MALRD1: variants seen among roughly 807,000 people sequenced by gnomAD.
MALRD1 encodes MAM and LDL receptor class A domain containing 1, also known as MAM and LDL-receptor class A domain-containing protein 1.
In MALRD1, 247 loss-of-function variants were observed where a neutral mutation model predicts 242.1. The ratio of observed to expected loss-of-function variants is 1.02; its 90% CI spans 0.92 to 1.13. MALRD1 has a LOEUF of 1.13. Among genes scored for constraint, MALRD1 ranks in the 50% most tolerant of loss-of-function variants. MALRD1 has a pLI of 0.00. For synonymous variants in MALRD1, 995 were observed against 866.6 expected (o/e 1.15, Z -2.60); for missense variants, 2,989 against 2,533.1 (o/e 1.18, Z -3.86).
chr10:19,588,665 C>T (rs778952798), intron 33 of MALRD1, among the ~76,000 whole-genome samples: 10 of 152,138 alleles, frequency 6.6e-5, no homozygotes, highest in African/African-American at 1.9e-4. Flanking sequence ...TATGTAGAGA[C>T]GGAGTCTTGC....
chr10:19,705,804 T>TAAAAAAAAAAAAAAAAAAAAA lies in MALRD1; in HGVS notation c.6314+13264_6314+13265insAAAAAAAAAAAAAAAAAAAAA, dbSNP rs61437328. 7.5e-4 allele frequency among the ~76,000 whole-genome samples: 77 copies of TAAAAAAAAAAAAAAAAAAAAA among 102,842 alleles called. 9 individuals are homozygous for TAAAAAAAAAAAAAAAAAAAAA. The highest frequency in any genetic ancestry group is 5.7e-3 in the Middle Eastern group (1 of 174). 67.5% of individuals were successfully genotyped at this position (102,842 alleles called of 152,430 possible). ...ACCTTGTTCTCATGTCCTGCAATAG[T>TAAAAAAAAAAAAAAAAAAAAA]AAAAAAAAAAAAAAGCCCACAAGAG... On this transcript the variant is annotated intron_variant, in intron 38 of 39. Transcript: ENST00000454679.
At chr10:19,539,822 G>T (rs932450803) in intron 32 of MALRD1, among the ~76,000 whole-genome samples, 1 of 149,620 alleles carries the variant, frequency 6.7e-6, no homozygotes, top group East Asian at 2.0e-4. Flanking sequence ...TAATAGCTGG[G>T]ACTACCAGCA....
chr10:19,594,709 T>C (rs1463729617), intron 33 of MALRD1, among the ~76,000 whole-genome samples: 1 of 152,134 alleles, frequency 6.6e-6, no homozygotes, highest in African/African-American at 2.4e-5. Context: ...TGGAGGCCAT[T>C]ATTCTAAATG....
At chr10:19,539,080 A>C (rs565232833) in intron 32 of MALRD1, among the ~76,000 whole-genome samples, 107 of 152,330 alleles carry the variant, frequency 7.0e-4, no homozygotes, top group African/African-American at 2.4e-3. Flanking sequence ...AGATAGTAAA[A>C]GCAGAGAAAA....
At chr10:19,702,897 A>G (rs577640424) in intron 38 of MALRD1, among the ~76,000 whole-genome samples, 2 of 152,344 alleles carry the variant, frequency 1.3e-5, no homozygotes, top group East Asian at 1.9e-4. Context: ...GAGGACTTCA[A>G]TAACTTGAAG....
At position 19,257,969 on chromosome 10, in the gene MALRD1, A is replaced by G. The variant is rs1839592788; in HGVS notation, c.3079+198A>G. 2.0e-5 allele frequency among the ~76,000 whole-genome samples: 3 copies of G among 152,174 alleles called. No homozygotes were observed. In the South Asian group the frequency reaches 6.2e-4, roughly 31 times the overall value. ...TTTTCAAGTGTCAAACATAGTCAAG[A>G]TGTTTGAATCACTTATGTCTATGAC... is the stretch of plus-strand genomic sequence containing the variant. On this transcript the variant is annotated intron_variant, in intron 19 of 39. Coordinates refer to ENST00000454679, the MANE Select transcript of MALRD1 (RefSeq NM_001142308.3).
chr10:19,626,438 A>C (rs934001880), intron 36 of MALRD1, among the ~76,000 whole-genome samples: 2 of 152,020 alleles, frequency 1.3e-5, no homozygotes, highest in African/African-American at 2.4e-5. Context: ...ATTTTTGCAG[A>C]TATTGACAGC....
chr10:19,417,938 C>T (rs1018818198), intron 28 of MALRD1, among the ~76,000 whole-genome samples: 5 of 151,962 alleles, frequency 3.3e-5, no homozygotes, highest in African/African-American at 1.2e-4. Context: ...TAATGAGTGC[C>T]TACGGTGCAC....
chr10:19,607,901 C>T lies in MALRD1; in HGVS notation c.6069C>T (p.Ser2023=), dbSNP rs7909976. The change falls in exon 35 of 40, where the codon TCC becomes TCT. Residue 2023 remains serine, a splice_region_variant and synonymous_variant. Coordinates refer to ENST00000454679, the MANE Select transcript of MALRD1 (RefSeq NM_001142308.3). ...MDFQLDESSC[S]ECPLNYCRNG... ...TCCAGCTTGATGAGTCCAGCTGCTC[C>T]GGTACCCCATTTCCATTCAGATATT... is the stretch of plus-strand genomic sequence containing the variant. The T allele has an allele frequency of 1.9e-6, 3 of 1,549,222 alleles. No homozygotes were observed. The highest frequency in any genetic ancestry group is 8.7e-7 in the Non-Finnish European group (1 of 1,146,294).
At chr10:19,325,114 G>A (rs551695448) in intron 22 of MALRD1, among the ~76,000 whole-genome samples, 14 of 136,474 alleles carry the variant, frequency 1.0e-4, no homozygotes, top group African/African-American at 3.6e-4. Flanking sequence ...GATTCATGTT[G>A]GAAAAAAAAA....
chr10:19,132,459 G>C (rs189371732), intron 8 of MALRD1, among the ~76,000 whole-genome samples: 31 of 152,312 alleles, frequency 2.0e-4, no homozygotes, highest in Non-Finnish European at 2.9e-5. Context: ...AATGGATTTA[G>C]ACTATCTTCT....
rs572801262 is a variant in MALRD1, at chr10:19,474,136, A to G, written c.5030-17381A>G. ...TTGGACATTTGTGTATGTTCTTTGG[A>G]GAAATACCTACTTAAGTCCTTTGCC... On this transcript the variant is annotated intron_variant, in intron 29 of 39. Transcript: ENST00000454679. Among the ~76,000 whole-genome samples the G allele has an allele frequency of 3.3e-5, 5 of 152,024 alleles. No homozygotes were observed. The East Asian group carries it at 9.7e-4, about 29-fold the overall frequency.
intron 38 of MALRD1, among the ~76,000 whole-genome samples, chr10:19,693,275 A>G (rs1439111714): frequency 1.3e-5 from 2 of 151,862 alleles, no homozygotes; most frequent in African/African-American, 4.8e-5. Flanking sequence ...GGAAAAGAGG[A>G]AGTCAAATTG....
At chr10:19,725,359 C>A (rs1158271491) in intron 38 of MALRD1, among the ~76,000 whole-genome samples, 1 of 152,112 alleles carries the variant, frequency 6.6e-6, no homozygotes, top group Non-Finnish European at 1.5e-5. Flanking sequence ...TTTTGCTCTG[C>A]ACTTCTGGCT....
chr10:19,302,448 A>G (rs1229177794), intron 21 of MALRD1, among the ~76,000 whole-genome samples: 2 of 151,988 alleles, frequency 1.3e-5, no homozygotes, highest in African/African-American at 4.8e-5. Context: ...AATGCTATTC[A>G]GCTGTAAAAT....
intron 28 of MALRD1, among the ~76,000 whole-genome samples, chr10:19,406,618 A>T (rs1421791949): frequency 6.6e-6 from 1 of 152,198 alleles, no homozygotes; most frequent in Non-Finnish European, 1.5e-5. Context: ...CGGGTGAGTT[A>T]TTCATGACGA....
intron 22 of MALRD1, 108 bp downstream of exon 22, chr10:19,324,213 C>A: frequency 9.2e-7 from 1 of 1,084,258 alleles, no homozygotes; most frequent in South Asian, 1.6e-5. Flanking sequence ...TGGACAATTA[C>A]CAACACTTCA....
chr10:19,730,588 A>C (rs1835248263), intron 38 of MALRD1, 118 bp from the exon 39 acceptor site: 8 of 1,059,260 alleles, frequency 7.6e-6, no homozygotes, highest in Non-Finnish European at 1.1e-5. Flanking sequence ...CATTCATGAA[A>C]ATAAGTGTGC....
chr10:19,645,257 G>A (rs1452409942), intron 36 of MALRD1, among the ~76,000 whole-genome samples: 2 of 152,088 alleles, frequency 1.3e-5, no homozygotes, highest in Admixed American at 6.5e-5. Flanking sequence ...TGGAGAAATA[G>A]GAACACTTTT....
Sources: allele counts gnomAD v4.1 joint callset (sites outside exome capture counted in the v4.1 genomes callset), GRCh38; gene constraint gnomAD v4.1.1; transcripts MANE v1.5; gene names NCBI Gene and HGNC (gene_info 2026-07-23, HGNC 2026-07-21).